Variants in TLK2 observed in about 807,000 individuals in gnomAD.
TLK2 encodes tousled like kinase 2.
A neutral mutation model predicts 117.3 loss-of-function variants in TLK2; 6 were observed. That is an observed-to-expected ratio of 0.05 (90% CI 0.03 to 0.10). The LOEUF is 0.10. Ranked by LOEUF, TLK2 falls within the 10% of genes least tolerant of loss-of-function variation. The pLI, the probability that TLK2 is intolerant of heterozygous loss-of-function variation, is 1.00. For synonymous variants in TLK2, 257 were observed against 316.7 expected (o/e 0.81, Z 2.00); for missense variants, 299 against 901.2 (o/e 0.33, Z 8.56).
At chr17:62,584,211 G>C (rs770426710) in intron 15 of TLK2, among the ~76,000 whole-genome samples, 12 of 144,554 alleles carry the variant, frequency 8.3e-5, no homozygotes, top group Non-Finnish European at 1.5e-4. Context: ...CTGCCTCCCG[G>C]GTTCACGCCA....
intron 2 of TLK2, among the ~76,000 whole-genome samples, chr17:62,490,363 A>C (rs1311418592): frequency 6.6e-6 from 1 of 152,038 alleles, no homozygotes; most frequent in Non-Finnish European, 1.5e-5. Context: ...ACATAAACCT[A>C]TACGTTGAAA....
intron 16 of TLK2, among the ~76,000 whole-genome samples, chr17:62,593,825 C>G (rs1223959655): frequency 6.9e-6 from 1 of 144,192 alleles, no homozygotes; most frequent in Non-Finnish European, 1.5e-5. Context: ...TGGAGTCTCA[C>G]TCTGTCGCCC....
chr17:62,530,871 T>C (rs947508004), intron 6 of TLK2, among the ~76,000 whole-genome samples: 4 of 152,192 alleles, frequency 2.6e-5, no homozygotes, highest in African/African-American at 9.6e-5. Flanking sequence ...TTTGGCTGTG[T>C]ATATTTTTAG....
chr17:62,563,886 G>A (rs895469058), intron 10 of TLK2, among the ~76,000 whole-genome samples: 1 of 152,116 alleles, frequency 6.6e-6, no homozygotes, highest in Non-Finnish European at 1.5e-5. Context: ...ATCTTCTAGC[G>A]CATTGAGGGG....
At chr17:62,484,561 G>A (rs2072105203) in intron 2 of TLK2, among the ~76,000 whole-genome samples, 1 of 151,992 alleles carries the variant, frequency 6.6e-6, no homozygotes, top group Non-Finnish European at 1.5e-5. Flanking sequence ...GCCTCCCGAA[G>A]TGCTGGGATT....
At chr17:62,552,842 G>A (rs572138616) in intron 8 of TLK2, among the ~76,000 whole-genome samples, 38 of 152,300 alleles carry the variant, frequency 2.5e-4, no homozygotes, top group Admixed American at 8.5e-4. Flanking sequence ...TAGTGTACTT[G>A]TAGTAGGCTT....
chr17:62,473,225 GCTCTA>G (rs2070975708), intron 1 of TLK2, among the ~76,000 whole-genome samples: 1 of 152,160 alleles, frequency 6.6e-6, no homozygotes, highest in African/African-American at 2.4e-5. Context: ...TCCAGCCCAA[GCTCTA>G]CTCTGATGAG....
At chr17:62,611,408 A>G (rs2083753060) in intron 21 of TLK2, among the ~76,000 whole-genome samples, 1 of 152,236 alleles carries the variant, frequency 6.6e-6, no homozygotes, top group Non-Finnish European at 1.5e-5. Context: ...TTCATGTTGT[A>G]GATTTTGTTT....
chr17:62,600,858 T>C, intron 18 of TLK2, 38 bp downstream of exon 18: 1 of 1,536,834 alleles, frequency 6.5e-7, no homozygotes, highest in Non-Finnish European at 8.8e-7. Flanking sequence ...TAGTGGGTTT[T>C]CTTTGGTCTT....
intron 18 of TLK2, among the ~76,000 whole-genome samples, chr17:62,601,400 G>A (rs996216682): frequency 2.0e-5 from 3 of 152,214 alleles, no homozygotes; most frequent in African/African-American, 7.2e-5. Flanking sequence ...GCATTAGGAA[G>A]ATGGTCCACA....
chr17:62,475,024 C>A (rs147529962), upstream of TLK2, among the ~76,000 whole-genome samples: 1 of 152,058 alleles, frequency 6.6e-6, no homozygotes, highest in African/African-American at 2.4e-5. Context: ...CCATCCTGGG[C>A]GATAGAGCCA....
upstream of TLK2, chr17:62,478,193 CCTCA>C (rs2071146408): frequency 6.6e-6 from 1 of 151,880 alleles, no homozygotes; most frequent in African/African-American, 2.4e-5. Context: ...GGCGCCGTCG[CCTCA>C]CTAACCGGGC....
intron 7 of TLK2, among the ~76,000 whole-genome samples, chr17:62,540,045 CTCCTCT>C (rs558349502): frequency 1.8e-4 from 27 of 151,578 alleles, no homozygotes; most frequent in Middle Eastern, 3.4e-3. Context: ...CCTCCTCCTC[CTCCTCT>C]TCCTCTTCTT....
At chr17:62,540,400 A>ATTTTTTCTTTTTTTTTTTT (rs2077439216) in intron 7 of TLK2, among the ~76,000 whole-genome samples, 1 of 19,990 alleles carries the variant, frequency 5.0e-5, no homozygotes, top group Non-Finnish European at 2.2e-4. Flanking sequence ...TATGTTCAGA[A>ATTTTTTCTTTTTTTTTTTT]TTTTTTTTTT....
intron 16 of TLK2, among the ~76,000 whole-genome samples, chr17:62,592,281 A>AATTAAGAATGTAATTACAT (rs2082138976): frequency 6.6e-6 from 1 of 152,160 alleles, no homozygotes; most frequent in Non-Finnish European, 1.5e-5. Context: ...TTAAAATAGT[A>AATTAAGAATGTAATTACAT]TTGGTAATTA....
chr17:62,485,816 GTTTTTTTTT>G (rs879159414), intron 2 of TLK2, among the ~76,000 whole-genome samples: 1 of 122,560 alleles, frequency 8.2e-6, no homozygotes, highest in Non-Finnish European at 1.7e-5. Context: ...TAATTTTCTG[GTTTTTTTTT>G]TTTTTTTTTT....
intron 11 of TLK2, among the ~76,000 whole-genome samples, chr17:62,569,988 G>C (rs2080141852): frequency 6.6e-6 from 1 of 152,114 alleles, no homozygotes; most frequent in South Asian, 2.1e-4. Flanking sequence ...GGCAGCCCCA[G>C]GTGTTGGGCT....
At chr17:62,501,903 G>A (rs1229392864) in intron 2 of TLK2, among the ~76,000 whole-genome samples, 1 of 152,134 alleles carries the variant, frequency 6.6e-6, no homozygotes, top group Admixed American at 6.6e-5. Context: ...GGAGGTTGAG[G>A]CTGGAATGCA....
At chr17:62,521,924 TATTA>T (rs1325071443) in intron 3 of TLK2, among the ~76,000 whole-genome samples, 3 of 152,220 alleles carry the variant, frequency 2.0e-5, no homozygotes, top group Non-Finnish European at 4.4e-5. Flanking sequence ...ATTTGTGCTC[TATTA>T]AATATCTTAT....
Sources: allele counts gnomAD v4.1 joint callset (sites outside exome capture counted in the v4.1 genomes callset), GRCh38; gene constraint gnomAD v4.1.1; transcripts MANE v1.5; gene names NCBI Gene and HGNC (gene_info 2026-07-23, HGNC 2026-07-21).